The following CADM2 variants were observed in gnomAD, a reference collection of about 807,000 sequenced individuals.
CADM2 encodes cell adhesion molecule 2.
Under a neutral mutation model 49.8 loss-of-function variants are expected in CADM2, and 12 were observed. That is an observed-to-expected ratio of 0.24 (90% CI 0.15 to 0.39). The LOEUF is 0.39. Among genes scored for constraint, CADM2 ranks in the 10% least tolerant of loss-of-function variants. The pLI, the probability that CADM2 is intolerant of heterozygous loss-of-function variation, is 1.00. For missense variants in CADM2, 378 were observed against 492.3 expected (o/e 0.77, Z 2.20); for synonymous variants, 214 against 175.4 (o/e 1.22, Z -1.74).
intron 1 of CADM2, among the ~76,000 whole-genome samples, chr3:85,630,947 C>T (rs771110303): frequency 6.6e-5 from 10 of 151,974 alleles, no homozygotes; most frequent in East Asian, 1.9e-4. Context: ...AACCTTCCTA[C>T]GGCTATAAGA....
intron 1 of CADM2, among the ~76,000 whole-genome samples, chr3:85,695,322 C>T (rs981861301): frequency 1.3e-5 from 2 of 151,988 alleles, no homozygotes; most frequent in Non-Finnish European, 2.9e-5. Context: ...ATTTTCTATT[C>T]CCACCTCCTA....
intron 1 of CADM2, among the ~76,000 whole-genome samples, chr3:85,524,341 G>A (rs899779506): frequency 6.6e-6 from 1 of 151,960 alleles, no homozygotes; most frequent in Non-Finnish European, 1.5e-5. Flanking sequence ...TTTAACGAAT[G>A]TACTCAGTGC....
At chr3:85,103,539 A>G (rs539208529) in intron 1 of CADM2, among the ~76,000 whole-genome samples, 1 of 152,326 alleles carries the variant, frequency 6.6e-6, no homozygotes, top group South Asian at 2.1e-4. Context: ...AGAAAAACTT[A>G]CACTGTAACT....
intron 1 of CADM2, among the ~76,000 whole-genome samples, chr3:84,970,893 A>G (rs1168268684): frequency 3.9e-5 from 6 of 151,966 alleles, no homozygotes; most frequent in Non-Finnish European, 8.8e-5. Flanking sequence ...TTTTGTTGCA[A>G]TTTTTGTTGG....
At chr3:85,636,737 T>C (rs1372228155) in intron 1 of CADM2, among the ~76,000 whole-genome samples, 2 of 152,210 alleles carry the variant, frequency 1.3e-5, no homozygotes, top group African/African-American at 2.4e-5. Context: ...ACTGTACCTT[T>C]TCTGTTTTGA....
intron 3 of CADM2, among the ~76,000 whole-genome samples, chr3:85,827,468 ATAACT>A (rs1294744200): frequency 6.6e-6 from 1 of 151,970 alleles, no homozygotes; most frequent in Non-Finnish European, 1.5e-5. Flanking sequence ...TTAGTATCAA[ATAACT>A]TGACAAGGAA....
chr3:85,092,870 A>G (rs759863924), intron 1 of CADM2, among the ~76,000 whole-genome samples: 3 of 152,152 alleles, frequency 2.0e-5, no homozygotes, highest in African/African-American at 4.8e-5. Context: ...GACAAGGTGC[A>G]TATTCTGATG....
In CADM2 at chr3:85,036,641, G is replaced by A. The variant is rs1191011062; in HGVS notation, c.61+76973G>A. The stretch of plus-strand genomic sequence containing the variant: ...AAAAAGAATGTTATCCTTCAAGCTA[G>A]AAGTAACTCTATTATATCCCGTTTT... On this transcript the variant is annotated intron_variant, in intron 1 of 9. Transcript: ENST00000383699. Among the ~76,000 whole-genome samples the A allele has an allele frequency of 2.0e-5, 3 of 152,228 alleles. No individual in the cohort carries two copies. The East Asian group carries it at 5.8e-4, about 29-fold the overall frequency.
intron 1 of CADM2, among the ~76,000 whole-genome samples, chr3:85,271,186 A>G (rs2043234013): frequency 6.6e-6 from 1 of 151,392 alleles, no homozygotes; most frequent in Non-Finnish European, 1.5e-5. Context: ...TGTAAGAGTG[A>G]ATTCAATCTC....
chr3:85,109,224 T>C (rs1223473205), intron 1 of CADM2, among the ~76,000 whole-genome samples: 1 of 151,980 alleles, frequency 6.6e-6, no homozygotes, highest in Non-Finnish European at 1.5e-5. Context: ...ATCCTCAAAC[T>C]ACAAGAACTC....
In CADM2 at chr3:85,463,631, C is replaced by T. The variant is rs556240196; in HGVS notation, c.62-262891C>T. 7.9e-5 allele frequency among the ~76,000 whole-genome samples: 12 copies of T among 152,232 alleles called. 1 individual carries two copies. Among genetic ancestry groups the T allele is most frequent in the African/African-American group, 2.6e-4 (11 of 41,552 alleles). ...TACATATGAGTGAAAAAAATCTTTA[C>T]ATTCCCATGTTCAACCCTGAAGGCT... is the stretch of plus-strand genomic sequence containing the variant. On this transcript the variant is annotated intron_variant, in intron 1 of 9. Transcript: ENST00000383699.
At chr3:85,305,190 A>T (rs530502896) in intron 1 of CADM2, among the ~76,000 whole-genome samples, 1 of 151,712 alleles carries the variant, frequency 6.6e-6, no homozygotes, top group South Asian at 2.1e-4. Context: ...TTTAGTCCTG[A>T]AAGCAAGACA....
chr3:85,877,133 G>T (rs1711981414), intron 3 of CADM2, among the ~76,000 whole-genome samples: 1 of 152,064 alleles, frequency 6.6e-6, no homozygotes, highest in Non-Finnish European at 1.5e-5. Context: ...CCGGTGGGTA[G>T]CAGGCAACTA....
intron 3 of CADM2, among the ~76,000 whole-genome samples, chr3:85,842,034 C>T (rs1452186065): frequency 6.6e-6 from 1 of 152,006 alleles, no homozygotes; most frequent in Non-Finnish European, 1.5e-5. Context: ...GTATGTTATG[C>T]TTTTACATTT....
chr3:85,923,032 C>T (rs997793128), intron 6 of CADM2, among the ~76,000 whole-genome samples: 8 of 151,870 alleles, frequency 5.3e-5, no homozygotes, highest in African/African-American at 9.7e-5. Context: ...ACCATGTTAG[C>T]GAGGATGGTC....
chr3:85,352,245 G>T (rs1237917410), intron 1 of CADM2, among the ~76,000 whole-genome samples: 2 of 152,016 alleles, frequency 1.3e-5, no homozygotes, highest in Admixed American at 6.6e-5. Flanking sequence ...CATACCGATT[G>T]TGTTGTCATC....
intron 1 of CADM2, among the ~76,000 whole-genome samples, chr3:85,395,518 C>G (rs986029905): frequency 6.6e-6 from 1 of 151,914 alleles, no homozygotes; most frequent in Non-Finnish European, 1.5e-5. Context: ...TGAAACGATA[C>G]CAGCATTAAA....
At chr3:85,797,773 C>G (rs1437477062) in intron 2 of CADM2, among the ~76,000 whole-genome samples, 2 of 151,958 alleles carry the variant, frequency 1.3e-5, no homozygotes, top group East Asian at 3.9e-4. Flanking sequence ...GGGTATATAC[C>G]CAGTAGTGGG....
intron 1 of CADM2, 99 bp downstream of exon 1, chr3:84,959,767 T>G: frequency 8.6e-7 from 1 of 1,158,900 alleles, no homozygotes; most frequent in South Asian, 1.3e-5. Context: ...AGTCTCCCTG[T>G]CCCCAGCGAT....
Sources: allele counts gnomAD v4.1 joint callset (sites outside exome capture counted in the v4.1 genomes callset), GRCh38; gene constraint gnomAD v4.1.1; transcripts MANE v1.5; gene names NCBI Gene and HGNC (gene_info 2026-07-23, HGNC 2026-07-21).